Variants in EBP observed in about 807,000 individuals in gnomAD.
The protein encoded by EBP is EBP cholestenol delta-isomerase, also known as 3-beta-hydroxysteroid-Delta(8),Delta(7)-isomerase.
EBP carries 1 observed loss-of-function variant against 14.1 expected under a neutral mutation model. That is an observed-to-expected ratio of 0.07 (90% CI 0.03 to 0.34). The LOEUF is 0.34. EBP is among the 10% of genes least tolerant of loss of function. The pLI is 0.99. For missense variants in EBP, 123 were observed against 184.6 expected (o/e 0.67, Z 1.93); for synonymous variants, 72 against 77.7 (o/e 0.93, Z 0.38).
Position 48,528,644 on chromosome X carries a change from G to C in EBP, c.*187G>C, listed in dbSNP as rs1164174167. The stretch of plus-strand genomic sequence containing the variant: ...CACTGCTGGGAGCCATTAGAACACA[G>C]ATACAAGAGAAGCCAGGAGGTCTAT... On this transcript the variant is annotated 3_prime_UTR_variant, in exon 5 of 5. Transcript: ENST00000495186. The C allele has an allele frequency of 8.7e-6, 4 of 459,170 alleles. No homozygotes were observed. Among genetic ancestry groups the C allele is most frequent in the South Asian group, 3.2e-5 (1 of 31,161 alleles). 37.8% of individuals were successfully genotyped at this position (459,170 alleles called of 1,213,427 possible).
intron 1 of EBP, among the ~76,000 whole-genome samples, chrX:48,522,559 C>A (rs967788130): frequency 1.8e-5 from 2 of 112,236 alleles, no homozygotes; most frequent in Non-Finnish European, 3.8e-5. Flanking sequence ...GACTTTGACC[C>A]CCGAGGGCTG....
Position 48,528,554 on chromosome X carries a change from A to G in EBP, c.*97A>G. ...CCCACAGTTTGGAGGGACAAAGCTA[A>G]TTGATCTGTCACACTCAGGCTCATG... On this transcript the variant is annotated 3_prime_UTR_variant, in exon 5 of 5. Coordinates refer to ENST00000495186, the MANE Select transcript of EBP (RefSeq NM_006579.3). 1 of 813,233 alleles carries G rather than the reference A, an allele frequency of 1.2e-6. No homozygotes were observed. Among genetic ancestry groups the G allele is most frequent in the Non-Finnish European group, 1.8e-6 (1 of 560,849 alleles). The allele number at this position is 813,233 out of a possible 1,213,427, so 67.0% of individuals were successfully genotyped here.
chrX:48,522,776 G>C (rs1290662781), intron 1 of EBP, among the ~76,000 whole-genome samples: 1 of 112,078 alleles, frequency 8.9e-6, no homozygotes, highest in Non-Finnish European at 1.9e-5. Flanking sequence ...AGGTTCAAGC[G>C]ATTCTCCTGC....
chrX:48,523,057 G>A (rs5906677), intron 1 of EBP, among the ~76,000 whole-genome samples: 14,916 of 110,854 alleles, frequency 0.13, 1,010 homozygotes, highest in Non-Finnish European at 0.2. Context: ...GGCTCAAAGC[G>A]ATCCTCCTGC....
At chrX:48,528,207 T>C (rs1029227492) in intron 4 of EBP, 27 bp from the exon 5 acceptor site, 4 of 1,183,855 alleles carry the variant, frequency 3.4e-6, no homozygotes, top group East Asian at 3.0e-5. Flanking sequence ...TCACTGGGGC[T>C]TCTCCTTCCC....
At chrX:48,524,161 C>T (rs2061772512) in intron 2 of EBP, 89 bp downstream of exon 2, 2 of 875,912 alleles carry the variant, frequency 2.3e-6, no homozygotes, top group Admixed American at 6.1e-5. Context: ...TATTCTTCTT[C>T]CATTGATTTA....
chrX:48,526,342 CT>C (rs143091554), intron 2 of EBP, among the ~76,000 whole-genome samples: 6,877 of 89,024 alleles, frequency 0.077, 242 homozygotes, highest in Middle Eastern at 0.15. Flanking sequence ...TTCTTTCTTT[CT>C]TTTTTTTTTT....
intron 2 of EBP, 155 bp from the exon 3 acceptor site, chrX:48,526,834 C>A: frequency 1.7e-6 from 1 of 591,147 alleles, no homozygotes; most frequent in Non-Finnish European, 2.9e-6. Context: ...AGAAATAAAC[C>A]ACTAGAATCC....
In EBP at chrX:48,523,711, C is replaced by CTTTTTT. The variant is rs782299900; in HGVS notation, c.-48_-43dup. 2.3e-4 allele frequency: 195 copies of CTTTTTT among 859,772 alleles called. No homozygotes were observed. Among genetic ancestry groups the CTTTTTT allele is most frequent in the South Asian group, 3.5e-4 (14 of 40,532 alleles). The allele number at this position is 859,772 out of a possible 1,213,427, so 70.9% of individuals were successfully genotyped here. ...TCTATTTGTCCAGGTTTTTCTGTTC[C>CTTTTTT]TTTTTTTTTTTTTTTTTTAACTTCC... is the stretch of plus-strand genomic sequence containing the variant. On this transcript the variant is annotated 5_prime_UTR_variant, in exon 2 of 5. Transcript: ENST00000495186.
Position 48,523,732 on chromosome X carries a change from C to G in EBP, c.-40C>G. On this transcript the variant is annotated 5_prime_UTR_variant, in exon 2 of 5. Coordinates refer to ENST00000495186, the MANE Select transcript of EBP (RefSeq NM_006579.3). The stretch of plus-strand genomic sequence containing the variant: ...GTTCCTTTTTTTTTTTTTTTTTTAA[C>G]TTCCTGCCTATACACACGCAGCCAT... 1 of 721,036 alleles carries G rather than the reference C, an allele frequency of 1.4e-6. No homozygotes were observed. Among genetic ancestry groups the G allele is most frequent in the South Asian group, 2.7e-5 (1 of 36,967 alleles). 59.4% of individuals were successfully genotyped at this position (721,036 alleles called of 1,213,427 possible).
chrX:48,527,946 TCTA>T (rs1264816525), intron 4 of EBP, among the ~76,000 whole-genome samples: 4 of 111,896 alleles, frequency 3.6e-5, no homozygotes, highest in African/African-American at 1.3e-4. Context: ...TTTCTTTAGT[TCTA>T]GCGATATGAG....
At chrX:48,523,156 G>T (rs1384570682) in intron 1 of EBP, among the ~76,000 whole-genome samples, 1 of 111,948 alleles carries the variant, frequency 8.9e-6, no homozygotes. Flanking sequence ...TCGCTGTGTT[G>T]CCCAGGCCGG....
chrX:48,524,355 C>T (rs1268147842), intron 2 of EBP: 2 of 206,138 alleles, frequency 9.7e-6, no homozygotes, highest in Non-Finnish European at 1.8e-5. Flanking sequence ...TAGCCAGGCG[C>T]GGTGGCTCAA....
chrX:48,528,273 A>G lies in EBP; in HGVS notation c.509A>G (p.His170Arg). 17 of 1,211,423 alleles carry G rather than the reference A, an allele frequency of 1.4e-5. No individual in the cohort carries two copies. The highest frequency in any genetic ancestry group is 1.9e-5 in the Non-Finnish European group (17 of 895,397). ...YGDVLYFLTE[H>R]RDGFQHGELG... The stretch of plus-strand genomic sequence containing the variant: ...GATGTGCTCTACTTCCTGACAGAGC[A>G]CCGCGACGGATTCCAGCACGGAGAG... Residue 170 changes from histidine to arginine, a missense_variant, in exon 5 of 5, where the codon CAC (histidine) becomes CGC (arginine). Physicochemically the swap from His to Arg is conservative, Grantham distance 29. Transcript: ENST00000495186.
chrX:48,525,303 G>A (rs2061775803), intron 2 of EBP, among the ~76,000 whole-genome samples: 2 of 112,068 alleles, frequency 1.8e-5, no homozygotes, highest in South Asian at 7.4e-4. Context: ...TACACAAATG[G>A]TAATATGCTA....
rs2061781230 is a variant in EBP at position 48,527,039 on chromosome X, T to C, written c.338+14T>C. 1 of 1,211,774 alleles carries C rather than the reference T, an allele frequency of 8.3e-7. No homozygotes were observed. Among genetic ancestry groups the C allele is most frequent in the East Asian group, 3.0e-5 (1 of 33,865 alleles). Reference sequence around the variant, plus strand: ...CCGATACATCCTGTAAGTGTTTGCCTCTGTCAATGGAGACTGGCATTGGTT... The same window carrying C: ...CCGATACATCCTGTAAGTGTTTGCCCCTGTCAATGGAGACTGGCATTGGTT... On this transcript the variant is annotated intron_variant, in intron 3 of 4. Coordinates refer to ENST00000495186, the MANE Select transcript of EBP (RefSeq NM_006579.3).
At chrX:48,527,777 T>G in intron 4 of EBP, 1 of 175,928 alleles carries the variant, frequency 5.7e-6, no homozygotes, top group South Asian at 1.1e-4. Context: ...GGCTAACTTT[T>G]GTATTTTTAG....
chrX:48,523,571 C>G (rs928711329), intron 1 of EBP, 128 bp from the exon 2 acceptor site: 2 of 281,211 alleles, frequency 7.1e-6, no homozygotes, highest in Non-Finnish European at 1.2e-5. Context: ...AAAAAAAAAA[C>G]GGAATGTAAT....
At chrX:48,527,470 G>A in intron 4 of EBP, 185 bp downstream of exon 4, 1 of 669,055 alleles carries the variant, frequency 1.5e-6, no homozygotes. Context: ...ACTCTCAGGT[G>A]GGGAGGGTTC....
Sources: gnomAD v4.1 joint callset for allele counts (sites outside exome capture counted in the v4.1 genomes callset) on GRCh38, gnomAD v4.1.1 for gene constraint, MANE v1.5 for transcripts, NCBI Gene and HGNC (gene_info 2026-07-23, HGNC 2026-07-21) for gene names.